ZNF239: variants seen among roughly 807,000 people sequenced by gnomAD.
ZNF239 encodes the protein zinc finger protein 239.
ZNF239 carries 16 observed loss-of-function variants against 27.5 expected under a neutral mutation model. The observed-to-expected ratio is 0.58, with a 90% CI of 0.39 to 0.88. The LOEUF is 0.88. Ranked by LOEUF, ZNF239 falls within the 40% of genes least tolerant of loss-of-function variation. ZNF239 has a pLI of 0.00. For missense variants in ZNF239, 527 were observed against 551.9 expected (o/e 0.95, Z 0.45); for synonymous variants, 199 against 192.6 (o/e 1.03, Z -0.27).
At chr10:43,572,955 T>C (rs1039618628) in intron 2 of ZNF239, among the ~76,000 whole-genome samples, 6 of 152,162 alleles carry the variant, frequency 3.9e-5, no homozygotes, top group Non-Finnish European at 5.9e-5. Context: ...TTATAGTGTA[T>C]AGAGAGATAT....
At chr10:43,565,817 GAAAAAAAAAAAAAA>G (rs36039838) in intron 3 of ZNF239, among the ~76,000 whole-genome samples, 1 of 67,140 alleles carries the variant, frequency 1.5e-5, no homozygotes, top group Non-Finnish European at 2.5e-5. Context: ...TCCATCTCAA[GAAAAAAAAAAAAAA>G]AAAAAAAAAA....
At chr10:43,558,333 C>T (rs957421834) in intron 3 of ZNF239, among the ~76,000 whole-genome samples, 162 bp from the exon 4 acceptor site, 4 of 152,146 alleles carry the variant, frequency 2.6e-5, no homozygotes, top group Non-Finnish European at 4.4e-5. Context: ...TATCTGGGTA[C>T]AAGACAGAAA....
At chr10:43,568,799 C>T (rs1346702563) in intron 2 of ZNF239, among the ~76,000 whole-genome samples, 1 of 152,166 alleles carries the variant, frequency 6.6e-6, no homozygotes, top group African/African-American at 2.4e-5. Context: ...GCTGTAATCC[C>T]AGCATTTGGG....
At chr10:43,571,756 C>T (rs1162483271) in intron 2 of ZNF239, among the ~76,000 whole-genome samples, 1 of 152,118 alleles carries the variant, frequency 6.6e-6, no homozygotes, top group Non-Finnish European at 1.5e-5. Flanking sequence ...TGAGGTTTCA[C>T]TATGTTGGCC....
intron 3 of ZNF239, among the ~76,000 whole-genome samples, chr10:43,563,966 TG>T (rs948953076): frequency 1.3e-5 from 2 of 152,092 alleles, no homozygotes; most frequent in African/African-American, 4.8e-5. Context: ...GCTAATTTTT[TG>T]TCATAAATCT....
chr10:43,557,806 T>A lies in ZNF239; in HGVS notation c.274A>T (p.Ser92Cys). The A allele has an allele frequency of 6.2e-7, 1 of 1,614,234 alleles. No individual in the cohort carries two copies. Among genetic ancestry groups the A allele is most frequent in the African/African-American group, 1.3e-5 (1 of 75,078 alleles). The part of the protein sequence containing the change: ...CKNEPQDHQE[S>C]RRLFVMEEST... ...TCTTCCATTACAAAGAGACGTCTGC[T>A]TTCCTGATGATCCTGAGGCTCATTC... Residue 92 changes from serine (S) to cysteine (C), a missense_variant, in exon 4 of 4, where the codon AGC (serine) becomes TGC (cysteine). Physicochemically the swap from Ser to Cys is moderately radical, Grantham distance 112 (BLOSUM62 -1). Transcript: ENST00000374446.
At chr10:43,569,355 G>A (rs1381451144) in intron 2 of ZNF239, among the ~76,000 whole-genome samples, 1 of 152,158 alleles carries the variant, frequency 6.6e-6, no homozygotes, top group Non-Finnish European at 1.5e-5. Flanking sequence ...GACAGCCAAG[G>A]TGATCTTTTA....
chr10:43,570,211 T>C, intron 2 of ZNF239: 1 of 985,278 alleles, frequency 1.0e-6, no homozygotes, highest in Non-Finnish European at 1.2e-6. Context: ...AGGGTAAAGA[T>C]GAAGGTAAGG....
At position 43,557,040 on chromosome 10, in the gene ZNF239, T is replaced by C. The variant is rs779492850; in HGVS notation, c.1040A>G (p.Tyr347Cys). 1.9e-6 allele frequency: 3 copies of C among 1,614,036 alleles called. No individual in the cohort carries two copies. In the African/African-American group the frequency reaches 4.0e-5, roughly 22 times the overall value. Residue 347 changes from tyrosine to cysteine, a missense_variant, in exon 4 of 4, where the codon TAC becomes TGC. Physicochemically the swap from Tyr to Cys is radical, Grantham distance 194. Coordinates refer to ENST00000374446, the MANE Select transcript of ZNF239 (RefSeq NM_001099282.2). ...GCCCTTCCCACACTCACCACACTTG[T>C]AGGGCCTCTCTCCTGTGTGTACTCG... Reference protein sequence around the residue: ...HQRVHTGERPYKCGECGKGFS... With the variant: ...HQRVHTGERPCKCGECGKGFS...
rs565906583 is a variant in ZNF239 at position 43,567,885 on chromosome 10, A to G, written c.-93+14T>C. 2.4e-5 allele frequency: 24 copies of G among 985,412 alleles called. No homozygotes were observed. In the African/African-American group the frequency reaches 4.2e-4, roughly 17 times the overall value. 61.0% of individuals were successfully genotyped at this position (985,412 alleles called of 1,614,324 possible). A position where few individuals can be genotyped will look rare whatever the true frequency, so the allele number is the denominator to read the frequency against. On this transcript the variant is annotated intron_variant, in intron 3 of 3. Transcript: ENST00000374446. ...CCAATGGGCAGGTGTCCAAGTTCAC[A>G]TGTCCTTACCCACCAAGACCAAGTT...
chr10:43,561,895 A>AT (rs1351090765), intron 3 of ZNF239, among the ~76,000 whole-genome samples: 1 of 152,196 alleles, frequency 6.6e-6, no homozygotes, highest in Non-Finnish European at 1.5e-5. Context: ...AAACTCTACA[A>AT]TAACAGCACG....
At chr10:43,562,097 G>T (rs1837299623) in intron 3 of ZNF239, among the ~76,000 whole-genome samples, 1 of 152,132 alleles carries the variant, frequency 6.6e-6, no homozygotes, top group Admixed American at 6.5e-5. Context: ...GGGAAGCTAG[G>T]CATTTGGGGA....
chr10:43,572,571 G>C (rs1227965675), intron 2 of ZNF239, among the ~76,000 whole-genome samples: 1 of 152,154 alleles, frequency 6.6e-6, no homozygotes, highest in African/African-American at 2.4e-5. Flanking sequence ...GAAAACACGG[G>C]GTTTATTTCT....
chr10:43,567,186 G>T (rs1837722506), intron 3 of ZNF239, among the ~76,000 whole-genome samples: 1 of 152,168 alleles, frequency 6.6e-6, no homozygotes, highest in African/African-American at 2.4e-5. Context: ...TATTTGTAGG[G>T]TATGAGAGTG....
intron 2 of ZNF239, among the ~76,000 whole-genome samples, chr10:43,569,202 C>T (rs999727607): frequency 2.6e-5 from 4 of 152,116 alleles, no homozygotes; most frequent in East Asian, 1.9e-4. Context: ...CCTCCTTTAC[C>T]GCTAAAGCAT....
intron 3 of ZNF239, among the ~76,000 whole-genome samples, chr10:43,562,947 TG>T (rs1027666694): frequency 1.3e-5 from 2 of 152,056 alleles, no homozygotes; most frequent in Non-Finnish European, 2.9e-5. Flanking sequence ...TGAAAATGAA[TG>T]GGGGAGGAAT....
chr10:43,567,928 T>A lies in ZNF239; in HGVS notation c.-122A>T. 1 of 985,782 alleles carries A rather than the reference T, an allele frequency of 1.0e-6. No individual in the cohort carries two copies. Among genetic ancestry groups the A allele is most frequent in the Non-Finnish European group, 1.2e-6 (1 of 829,970 alleles). 61.1% of individuals were successfully genotyped at this position (985,782 alleles called of 1,614,324 possible). A position where few individuals can be genotyped will look rare whatever the true frequency, so the allele number is the denominator to read the frequency against. On this transcript the variant is annotated 5_prime_UTR_variant, in exon 3 of 4. It removes an upstream start codon present in the reference 5' UTR. Coordinates refer to ENST00000374446, the MANE Select transcript of ZNF239 (RefSeq NM_001099282.2). ...ACCAAGTTTCTGTAGTTGCCCAGCA[T>A]CACAGCTCCGCACAGCTTCCTGGGA...
intron 3 of ZNF239, among the ~76,000 whole-genome samples, chr10:43,561,229 A>G (rs1001664850): frequency 2.0e-5 from 3 of 152,160 alleles, no homozygotes; most frequent in Admixed American, 6.5e-5. Context: ...TAACAAAAAA[A>G]TGTTTCCTAG....
intron 1 of ZNF239, among the ~76,000 whole-genome samples, chr10:43,574,263 A>C (rs974282246): frequency 1.3e-5 from 2 of 152,210 alleles, no homozygotes; most frequent in Non-Finnish European, 2.9e-5. Flanking sequence ...GAGCTCGGCC[A>C]GGAGGGAGGA....
Sources: allele counts gnomAD v4.1 joint callset (sites outside exome capture counted in the v4.1 genomes callset), GRCh38; gene constraint gnomAD v4.1.1; transcripts MANE v1.5; gene names NCBI Gene and HGNC (gene_info 2026-07-23, HGNC 2026-07-21).